CLVS1: variants seen among roughly 807,000 people sequenced by gnomAD.
CLVS1 encodes clavesin 1.
In CLVS1, 10 loss-of-function variants were observed where a neutral mutation model predicts 33.1. That is an observed-to-expected ratio of 0.30 (90% CI 0.19 to 0.51). CLVS1 has a LOEUF of 0.51. CLVS1 is among the 20% of genes least tolerant of loss of function. The pLI, the probability that CLVS1 is intolerant of heterozygous loss-of-function variation, is 0.97. For synonymous variants in CLVS1, 163 were observed against 166.1 expected (o/e 0.98, Z 0.14); for missense variants, 343 against 433.4 (o/e 0.79, Z 1.85).
chr8:61,259,994 T>C (rs1809166384), intron 2 of CLVS1, among the ~76,000 whole-genome samples: 1 of 152,172 alleles, frequency 6.6e-6, no homozygotes. Context: ...CGCTGATTGC[T>C]CCCTTCACAC....
intron 2 of CLVS1, among the ~76,000 whole-genome samples, chr8:61,204,284 T>C (rs2129305732): frequency 6.6e-6 from 1 of 152,344 alleles, no homozygotes; most frequent in Non-Finnish European, 1.5e-5. Context: ...CTAACCAAAC[T>C]CCATGGTGCC....
At chr8:61,427,518 A>G (rs1174950279) in intron 3 of CLVS1, among the ~76,000 whole-genome samples, 3 of 152,208 alleles carry the variant, frequency 2.0e-5, no homozygotes, top group Non-Finnish European at 4.4e-5. Context: ...ATACTGCAGT[A>G]TTGGAATATG....
At chr8:61,228,332 A>G in intron 2 of CLVS1, among the ~76,000 whole-genome samples, 1 of 152,206 alleles carries the variant, frequency 6.6e-6, no homozygotes, top group East Asian at 1.9e-4. Flanking sequence ...AACACTTAAA[A>G]TCTGCTCTCT....
At chr8:61,215,704 GTGTGTGTGTGTGTGTGTGTGTGTGTTTTC>G (rs1380959037) in intron 2 of CLVS1, among the ~76,000 whole-genome samples, 1 of 151,142 alleles carries the variant, frequency 6.6e-6, no homozygotes, top group African/African-American at 2.4e-5. Context: ...GTGTGTGTGT[GTGTGTGTGTGTGTGTGTGTGTGTGTTTTC>G]TGTGTGCCAT....
At chr8:61,398,232 A>G (rs1814613179) in intron 3 of CLVS1, among the ~76,000 whole-genome samples, 1 of 142,622 alleles carries the variant, frequency 7.0e-6, no homozygotes, top group Non-Finnish European at 1.5e-5. Flanking sequence ...CCCAGGGTGG[A>G]ATGTAGTGGT....
intron 2 of CLVS1, among the ~76,000 whole-genome samples, chr8:61,339,464 T>C (rs1811933131): frequency 6.6e-6 from 1 of 152,168 alleles, no homozygotes; most frequent in African/African-American, 2.4e-5. Context: ...GTGAGAGGCA[T>C]GCAAGTGGCC....
intron 2 of CLVS1, among the ~76,000 whole-genome samples, chr8:61,359,332 T>C (rs1429500987): frequency 6.6e-6 from 1 of 152,194 alleles, no homozygotes; most frequent in African/African-American, 2.4e-5. Context: ...GATGTGTCTC[T>C]GTTTAATGAT....
At chr8:61,115,620 C>T (rs1248656068) in intron 1 of CLVS1, among the ~76,000 whole-genome samples, 21 of 151,576 alleles carry the variant, frequency 1.4e-4, no homozygotes, top group African/African-American at 3.2e-4. Context: ...TGAGAATATG[C>T]GGTGTTTGGT....
intron 3 of CLVS1, among the ~76,000 whole-genome samples, chr8:61,390,393 A>T (rs553942440): frequency 3.3e-5 from 5 of 152,324 alleles, no homozygotes; most frequent in Non-Finnish European, 4.4e-5. Context: ...AAATGATGAC[A>T]TGAAGAATTC....
chr8:60,993,213 C>T, the CLVS1 span, among the ~76,000 whole-genome samples: 1 of 152,242 alleles, frequency 6.6e-6, no homozygotes, highest in Non-Finnish European at 1.5e-5. Context: ...GCCCAGCTTG[C>T]TCTCTAGATC....
chr8:61,209,727 C>T (rs1486097948), intron 2 of CLVS1, among the ~76,000 whole-genome samples: 4 of 149,394 alleles, frequency 2.7e-5, no homozygotes, highest in Admixed American at 2.0e-4. Context: ...ACATGGATGT[C>T]AATGCCTGTG....
chr8:61,050,156 C>T, the CLVS1 span, among the ~76,000 whole-genome samples: 1 of 151,784 alleles, frequency 6.6e-6, no homozygotes, highest in African/African-American at 2.4e-5. Flanking sequence ...AATTCCCATT[C>T]ATGTCTTTAA....
At chr8:61,227,578 A>C (rs896921533) in intron 2 of CLVS1, among the ~76,000 whole-genome samples, 3 of 152,292 alleles carry the variant, frequency 2.0e-5, no homozygotes, top group Non-Finnish European at 4.4e-5. Flanking sequence ...ATCTGCCAAT[A>C]AATTTGTAGT....
chr8:61,326,631 C>T (rs895668431), intron 2 of CLVS1, among the ~76,000 whole-genome samples: 2 of 152,160 alleles, frequency 1.3e-5, no homozygotes, highest in African/African-American at 4.8e-5. Flanking sequence ...TACAGAGGAA[C>T]ATGTCGCCTG....
intron 2 of CLVS1, among the ~76,000 whole-genome samples, chr8:61,192,921 G>A (rs1323475394): frequency 2.0e-5 from 3 of 152,198 alleles, no homozygotes; most frequent in African/African-American, 7.2e-5. Context: ...CACTGTTGGT[G>A]GAACTGTAAA....
intron 2 of CLVS1, among the ~76,000 whole-genome samples, chr8:61,242,273 T>C (rs1050436383): frequency 1.3e-5 from 2 of 152,190 alleles, no homozygotes; most frequent in Non-Finnish European, 2.9e-5. Context: ...TTTTGAGACT[T>C]CAGTTATTCA....
intron 2 of CLVS1, among the ~76,000 whole-genome samples, chr8:61,373,677 T>G (rs1813529024): frequency 6.6e-6 from 1 of 152,250 alleles, no homozygotes; most frequent in Admixed American, 6.5e-5. Context: ...GCTGTGAAAT[T>G]CAATGGTCCT....
intron 2 of CLVS1, among the ~76,000 whole-genome samples, chr8:61,191,997 A>G (rs955883006): frequency 1.3e-5 from 2 of 152,132 alleles, no homozygotes; most frequent in African/African-American, 2.4e-5. Context: ...AGCTACCAAT[A>G]ACTTTCTTCA....
At chr8:61,098,406 T>G (rs1585609028) in intron 1 of CLVS1, among the ~76,000 whole-genome samples, 1 of 78,480 alleles carries the variant, frequency 1.3e-5, no homozygotes, top group East Asian at 2.1e-4. Context: ...GAAACTGATA[T>G]ATATATATAT....
Sources: allele counts gnomAD v4.1 joint callset (sites outside exome capture counted in the v4.1 genomes callset), GRCh38; gene constraint gnomAD v4.1.1; transcripts MANE v1.5; gene names NCBI Gene and HGNC (gene_info 2026-07-23, HGNC 2026-07-21).